Variants in ELMO1 observed in about 807,000 individuals in gnomAD.
The protein encoded by ELMO1 is engulfment and cell motility 1.
Under a neutral mutation model 98.9 loss-of-function variants are expected in ELMO1, and 26 were observed. The ratio of observed to expected loss-of-function variants is 0.26; its 90% CI spans 0.19 to 0.36. The LOEUF is 0.36. Ranked by LOEUF, ELMO1 falls within the 10% of genes least tolerant of loss-of-function variation. ELMO1 has a pLI of 1.00. For missense variants in ELMO1, 627 were observed against 935.2 expected (o/e 0.67, Z 4.30); for synonymous variants, 346 against 346.0 (o/e 1.00, Z 0.00).
intron 15 of ELMO1, among the ~76,000 whole-genome samples, chr7:37,052,016 C>T (rs1382505234): frequency 6.6e-6 from 1 of 152,162 alleles, no homozygotes; most frequent in African/African-American, 2.4e-5. Flanking sequence ...CCTTATGATC[C>T]ATGTTTTTCA....
chr7:36,937,131 C>T (rs186661137), intron 16 of ELMO1, among the ~76,000 whole-genome samples: 8 of 152,238 alleles, frequency 5.3e-5, no homozygotes, highest in Admixed American at 2.0e-4. Flanking sequence ...TTTTGCTCCC[C>T]CCAAAAGATA....
intron 10 of ELMO1, among the ~76,000 whole-genome samples, chr7:37,220,448 C>T (rs1354944222): frequency 6.6e-6 from 1 of 152,146 alleles, no homozygotes; most frequent in Non-Finnish European, 1.5e-5. Flanking sequence ...TTAGACTACT[C>T]TTTGTCATGG....
chr7:37,405,246 AAG>A (rs1803708882), intron 1 of ELMO1, among the ~76,000 whole-genome samples: 1 of 152,176 alleles, frequency 6.6e-6, no homozygotes, highest in Non-Finnish European at 1.5e-5. Context: ...TTCCTCCAAA[AAG>A]GTCAGGCTTT....
chr7:37,071,878 GC>G (rs1797288887), intron 15 of ELMO1, among the ~76,000 whole-genome samples: 1 of 151,838 alleles, frequency 6.6e-6, no homozygotes, highest in Non-Finnish European at 1.5e-5. Flanking sequence ...ATATTATCTA[GC>G]TTTTAAATAC....
chr7:36,987,081 C>T (rs1048264498), intron 16 of ELMO1, among the ~76,000 whole-genome samples: 31 of 152,262 alleles, frequency 2.0e-4, no homozygotes, highest in Admixed American at 1.6e-3. Context: ...ATTACACTGG[C>T]GGCTTGTGGA....
intron 1 of ELMO1, among the ~76,000 whole-genome samples, chr7:37,408,653 C>T (rs944442493): frequency 2.6e-5 from 4 of 152,060 alleles, no homozygotes; most frequent in African/African-American, 4.8e-5. Flanking sequence ...TGAGGTAAGC[C>T]GGCCACAAAA....
At chr7:36,994,492 T>TA (rs1792072395) in intron 16 of ELMO1, among the ~76,000 whole-genome samples, 1 of 152,222 alleles carries the variant, frequency 6.6e-6, no homozygotes, top group Non-Finnish European at 1.5e-5. Flanking sequence ...ACCTTAAACT[T>TA]AGAGAGGTTA....
intron 16 of ELMO1, among the ~76,000 whole-genome samples, chr7:36,906,212 C>T (rs891681417): frequency 2.0e-5 from 3 of 152,202 alleles, no homozygotes; most frequent in Admixed American, 6.5e-5. Context: ...CATGAACTTG[C>T]CTCAACAGAC....
chr7:36,973,320 GA>G (rs936504430), intron 16 of ELMO1, among the ~76,000 whole-genome samples: 4 of 152,174 alleles, frequency 2.6e-5, no homozygotes, highest in Non-Finnish European at 5.9e-5. Context: ...CCAGTACAGG[GA>G]AAATTTTTCT....
chr7:37,258,451 AAG>A (rs72415632), intron 6 of ELMO1, among the ~76,000 whole-genome samples: 47,669 of 150,856 alleles, frequency 0.32, 7,614 homozygotes, highest in Middle Eastern at 0.43. Flanking sequence ...AAAAAAAAAT[AAG>A]AGAGAGAGAG....
intron 13 of ELMO1, among the ~76,000 whole-genome samples, chr7:37,160,093 A>C (rs771252103): frequency 2.2e-4 from 33 of 152,230 alleles, no homozygotes; most frequent in Non-Finnish European, 4.1e-4. Context: ...AATACAATGT[A>C]AAATCAAAAG....
chr7:37,353,746 G>A (rs1165272698), intron 1 of ELMO1: 1 of 152,146 alleles, frequency 6.6e-6, no homozygotes, highest in Non-Finnish European at 1.5e-5. Context: ...TTTACAGAGC[G>A]TTCATTTGTC....
At chr7:37,319,724 T>C (rs1468895864) in intron 2 of ELMO1, among the ~76,000 whole-genome samples, 1 of 152,210 alleles carries the variant, frequency 6.6e-6, no homozygotes, top group Non-Finnish European at 1.5e-5. Context: ...ATACATTCTG[T>C]GACATACACA....
chr7:37,143,958 G>A (rs891763463), intron 13 of ELMO1, among the ~76,000 whole-genome samples: 141 of 151,978 alleles, frequency 9.3e-4, no homozygotes, highest in African/African-American at 3.3e-3. Context: ...TAATCCACCC[G>A]CCTTGGCCTC....
chr7:37,122,720 G>A (rs1426712827), intron 14 of ELMO1, among the ~76,000 whole-genome samples: 1 of 152,122 alleles, frequency 6.6e-6, no homozygotes, highest in Non-Finnish European at 1.5e-5. Context: ...ACATTAGACA[G>A]ATCAATGAGA....
chr7:37,441,084 G>T (rs1408045474), intron 1 of ELMO1, among the ~76,000 whole-genome samples: 7 of 151,362 alleles, frequency 4.6e-5, no homozygotes, highest in African/African-American at 1.5e-4. Context: ...AGCTCATCCA[G>T]CTCTGCCACT....
At chr7:37,213,526 C>G (rs886571646) in intron 11 of ELMO1, 69 bp from the exon 12 acceptor site, 5 of 1,459,930 alleles carry the variant, frequency 3.4e-6, no homozygotes, top group Admixed American at 2.0e-5. Flanking sequence ...AATTAACACT[C>G]AAGAAGGCTC....
At chr7:37,383,288 T>A (rs756393238) in intron 1 of ELMO1, among the ~76,000 whole-genome samples, 4 of 152,226 alleles carry the variant, frequency 2.6e-5, no homozygotes, top group Non-Finnish European at 5.9e-5. Context: ...TTTCTTTGCC[T>A]TTCATGACGC....
rs924208559 is a variant in ELMO1, at chr7:36,854,836, A to T, written c.*715T>A. On this transcript the variant is annotated 3_prime_UTR_variant, in exon 22 of 22. Coordinates refer to ENST00000310758, the MANE Select transcript of ELMO1 (RefSeq NM_014800.11). Reference sequence around the variant, plus strand: ...AAGGCAGTTCTGGCCTGGGGCAGGGAGAGGAAACCCCAGACTAGCTGGTGA... The same window carrying T: ...AAGGCAGTTCTGGCCTGGGGCAGGGTGAGGAAACCCCAGACTAGCTGGTGA... The T allele has an allele frequency of 6.5e-6, 1 of 153,518 alleles. No individual in the cohort carries two copies. Among genetic ancestry groups the T allele is most frequent in the African/African-American group, 2.4e-5 (1 of 41,428 alleles). The allele number at this position is 153,518 out of a possible 1,614,324, so 9.5% of individuals were successfully genotyped here.
Sources: allele counts gnomAD v4.1 joint callset (sites outside exome capture counted in the v4.1 genomes callset), GRCh38; gene constraint gnomAD v4.1.1; transcripts MANE v1.5; gene names NCBI Gene and HGNC (gene_info 2026-07-23, HGNC 2026-07-21).